PSIP1: variants seen among roughly 807,000 people sequenced by gnomAD.
PSIP1 encodes the protein PC4 and SFRS1-interacting protein.
In PSIP1, 19 loss-of-function variants were observed where a neutral mutation model predicts 74.7. That is an observed-to-expected ratio of 0.25 (90% CI 0.18 to 0.37). The LOEUF (loss-of-function observed/expected upper bound fraction) is 0.37, where lower values mean the gene tolerates loss of function less well. Ranked by LOEUF, PSIP1 falls within the 10% of genes least tolerant of loss-of-function variation. The pLI, the probability that PSIP1 is intolerant of heterozygous loss-of-function variation, is 1.00. For synonymous variants in PSIP1, 222 were observed against 195.3 expected (o/e 1.14, Z -1.14); for missense variants, 601 against 614.3 (o/e 0.98, Z 0.23).
At chr9:15,487,466 G>A (rs776221247) in intron 4 of PSIP1, among the ~76,000 whole-genome samples, 3 of 151,564 alleles carry the variant, frequency 2.0e-5, no homozygotes, top group African/African-American at 4.8e-5. Context: ...ATGGTGGCAC[G>A]CGCCTGTAAT....
At chr9:15,503,269 A>C (rs1357757311) in intron 3 of PSIP1, among the ~76,000 whole-genome samples, 5 of 152,118 alleles carry the variant, frequency 3.3e-5, no homozygotes, top group Non-Finnish European at 7.3e-5. Flanking sequence ...TGGGAGGCTG[A>C]GGCAGAGGAA....
Position 15,502,740 on chromosome 9 carries a change from A to G in PSIP1, c.149+3821T>C, listed in dbSNP as rs1192930787. Among the ~76,000 whole-genome samples, 3 of 152,260 alleles carry G rather than the reference A, an allele frequency of 2.0e-5. No homozygotes were observed. In the East Asian group the frequency reaches 5.8e-4, roughly 29 times the overall value. On this transcript the variant is annotated intron_variant, in intron 3 of 15. Transcript: ENST00000380733. Reference sequence around the variant, plus strand: ...TAACATGTAATCAAGGATAATACCAAGACTTGGCTTCAGTAAGAATTGAGT... The same window carrying G: ...TAACATGTAATCAAGGATAATACCAGGACTTGGCTTCAGTAAGAATTGAGT...
chr9:15,485,366 C>G (rs2036515854), intron 6 of PSIP1, among the ~76,000 whole-genome samples: 1 of 152,154 alleles, frequency 6.6e-6, no homozygotes, highest in Non-Finnish European at 1.5e-5. Flanking sequence ...CACTTCCAAC[C>G]CATACTGCAC....
chr9:15,483,668 G>C (rs2036433645), intron 6 of PSIP1, among the ~76,000 whole-genome samples: 2 of 152,084 alleles, frequency 1.3e-5, no homozygotes, highest in South Asian at 4.1e-4. Context: ...CTAAAATTCT[G>C]AATGAATTTT....
rs1282796979 is a variant in PSIP1, at chr9:15,464,196, C to G, written c.*1324G>C. ...TGACTGGTATATATGCAGGTTCTCT[C>G]AAAACGGTGATTCCTAGTTCCATTA... On this transcript the variant is annotated 3_prime_UTR_variant, in exon 16 of 16. Transcript: ENST00000380733. 1 of 189,988 alleles carries G rather than the reference C, an allele frequency of 5.3e-6. No homozygotes were observed. Among genetic ancestry groups the G allele is most frequent in the Admixed American group, 6.2e-5 (1 of 16,208 alleles). 11.8% of individuals were successfully genotyped at this position (189,988 alleles called of 1,614,324 possible).
chr9:15,469,082 A>T, intron 12 of PSIP1, 24 bp from the exon 13 acceptor site: 1 of 1,586,116 alleles, frequency 6.3e-7, no homozygotes, highest in Non-Finnish European at 8.6e-7. Context: ...CAGTAATTTC[A>T]TAGCTGTTAA....
chr9:15,485,941 C>G, intron 6 of PSIP1, 65 bp downstream of exon 6: 1 of 1,374,626 alleles, frequency 7.3e-7, no homozygotes. Flanking sequence ...TATCTACTCT[C>G]CCTCAACCCA....
chr9:15,510,662 C>T (rs2037827602), intron 1 of PSIP1, among the ~76,000 whole-genome samples, 155 bp downstream of exon 1: 2 of 152,116 alleles, frequency 1.3e-5, no homozygotes, highest in Admixed American at 1.3e-4. Context: ...CGAGCGGCCC[C>T]CTTCCGCCCA....
intron 2 of PSIP1, among the ~76,000 whole-genome samples, 198 bp downstream of exon 2, chr9:15,509,919 C>A (rs2037775026): frequency 6.6e-6 from 1 of 152,114 alleles, no homozygotes; most frequent in South Asian, 2.1e-4. Flanking sequence ...GGGAAATACA[C>A]AGGTATGTAG....
In PSIP1 at chr9:15,510,961, C is replaced by G. The variant is rs374475535; in HGVS notation, c.-286G>C. The G allele has an allele frequency of 2.0e-5, 3 of 152,972 alleles. No individual in the cohort carries two copies. The highest frequency in any genetic ancestry group is 6.5e-5 in the Admixed American group (1 of 15,292). 9.5% of individuals were successfully genotyped at this position (152,972 alleles called of 1,614,324 possible). On this transcript the variant is annotated 5_prime_UTR_variant, in exon 1 of 16. Transcript: ENST00000380733. The stretch of plus-strand genomic sequence containing the variant: ...CGCGCCGCCGCTGCCGCCGCCGTAG[C>G]TGCGCTGCTCCCGCGCGGCTCCCGC...
chr9:15,472,782 C>G, intron 9 of PSIP1, 32 bp from the exon 10 acceptor site: 1 of 1,569,120 alleles, frequency 6.4e-7, no homozygotes, highest in Non-Finnish European at 8.6e-7. Context: ...TTTTATTTAA[C>G]TATAAAGTCA....
intron 10 of PSIP1, chr9:15,470,955 A>G: frequency 8.7e-7 from 1 of 1,150,534 alleles, no homozygotes; most frequent in Non-Finnish European, 1.1e-6. Context: ...AAAAAAAAAA[A>G]AAACAGGAAT....
rs970986537 is a variant in PSIP1 at position 15,464,201 on chromosome 9, C to T, written c.*1319G>A. The T allele has an allele frequency of 2.1e-5, 4 of 189,984 alleles. No individual in the cohort carries two copies. The highest frequency in any genetic ancestry group is 4.4e-5 in the Non-Finnish European group (4 of 90,410). The allele number at this position is 189,984 out of a possible 1,614,324, so 11.8% of individuals were successfully genotyped here. ...GGTATATATGCAGGTTCTCTCAAAA[C>T]GGTGATTCCTAGTTCCATTATAAGA... On this transcript the variant is annotated 3_prime_UTR_variant, in exon 16 of 16. Transcript: ENST00000380733.
At chr9:15,468,123 TAAAAAA>T (rs34755757) in intron 14 of PSIP1, among the ~76,000 whole-genome samples, 9 of 140,524 alleles carry the variant, frequency 6.4e-5, no homozygotes, top group South Asian at 2.3e-4. Context: ...CTCCATCTTT[TAAAAAA>T]AAAAAAAAAA....
chr9:15,503,274 G>A (rs2037427372), intron 3 of PSIP1, among the ~76,000 whole-genome samples: 1 of 152,078 alleles, frequency 6.6e-6, no homozygotes, highest in African/African-American at 2.4e-5. Flanking sequence ...GGCTGAGGCA[G>A]AGGAATCACT....
intron 14 of PSIP1, among the ~76,000 whole-genome samples, chr9:15,467,079 T>C (rs2035669738): frequency 6.6e-6 from 1 of 152,176 alleles, no homozygotes; most frequent in African/African-American, 2.4e-5. Context: ...ACCAGAGGCT[T>C]TGGGTAGCTA....
At position 15,492,298 on chromosome 9, in the gene PSIP1, T is replaced by A. The variant is rs1349468447; in HGVS notation, c.150-2174A>T. 2.0e-5 allele frequency: 3 copies of A among 152,098 alleles called. No individual in the cohort carries two copies. In the East Asian group the frequency reaches 5.8e-4, roughly 29 times the overall value. The allele number at this position is 152,098 out of a possible 1,614,324, so 9.4% of individuals were successfully genotyped here. On this transcript the variant is annotated intron_variant, in intron 3 of 15. Coordinates refer to ENST00000380733, the MANE Select transcript of PSIP1 (RefSeq NM_033222.5). The stretch of plus-strand genomic sequence containing the variant: ...GACAGGCATTGGCTAAATACACCCA[T>A]CCCAAATGGGAGAAACTGACTAAAA...
At chr9:15,488,466 A>G (rs1209808760) in intron 4 of PSIP1, among the ~76,000 whole-genome samples, 5 of 152,210 alleles carry the variant, frequency 3.3e-5, no homozygotes, top group Admixed American at 2.0e-4. Context: ...TTGATGAAAG[A>G]GAAACTGTCC....
chr9:15,488,342 CA>C (rs1284381372), intron 4 of PSIP1, among the ~76,000 whole-genome samples: 1 of 151,840 alleles, frequency 6.6e-6, no homozygotes, highest in Non-Finnish European at 1.5e-5. Flanking sequence ...ACAACAACAA[CA>C]AAAAAAAGAG....
Sources: gnomAD v4.1 joint callset for allele counts (sites outside exome capture counted in the v4.1 genomes callset) on GRCh38, gnomAD v4.1.1 for gene constraint, MANE v1.5 for transcripts, NCBI Gene and HGNC (gene_info 2026-07-23, HGNC 2026-07-21) for gene names.